PLCXD2: variants seen among roughly 807,000 people sequenced by gnomAD.
PLCXD2 encodes the protein PI-PLC X domain-containing protein 2.
A neutral mutation model predicts 28.6 loss-of-function variants in PLCXD2; 21 were observed. That is an observed-to-expected ratio of 0.73 (90% CI 0.52 to 1.06). The LOEUF is 1.06. PLCXD2 is among the 50% of genes least tolerant of loss of function. The pLI, the probability that PLCXD2 is intolerant of heterozygous loss-of-function variation, is 0.00. For synonymous variants in PLCXD2, 140 were observed against 150.1 expected, an observed-to-expected ratio of 0.93 and a Z score of 0.49; for missense variants, 369 against 376.7, an observed-to-expected ratio of 0.98 and a Z score of 0.17.
Position 111,676,055 on chromosome 3 carries a change from A to C in PLCXD2, c.163+647A>C, listed in dbSNP as rs16858409. Reference sequence around the variant, plus strand: ...GTCTGCCTGACTGATTTAGAACTGCAGCCTTGAAAAGCACTTCTGCTCCAG... The same window carrying C: ...GTCTGCCTGACTGATTTAGAACTGCCGCCTTGAAAAGCACTTCTGCTCCAG... On this transcript the variant is annotated intron_variant, in intron 1 of 4. Transcript: ENST00000477665. 6.4e-3 allele frequency among the ~76,000 whole-genome samples: 976 copies of C among 152,314 alleles called. 1 individual carries two copies. Among genetic ancestry groups the C allele is most frequent in the South Asian group, 0.011 (55 of 4,820 alleles).
chr3:111,709,680 G>C (rs4381908), intron 2 of PLCXD2, among the ~76,000 whole-genome samples: 59,943 of 152,030 alleles, frequency 0.39, 15,276 homozygotes, highest in African/African-American at 0.72. Flanking sequence ...GAAGAAGCAG[G>C]CAGTGCAGAG....
intron 1 of PLCXD2, among the ~76,000 whole-genome samples, chr3:111,683,092 A>G (rs1940742014): frequency 6.6e-6 from 1 of 152,234 alleles, no homozygotes; most frequent in African/African-American, 2.4e-5. Flanking sequence ...AAATTCAAAC[A>G]TGATAGAGAA....
intron 1 of PLCXD2, among the ~76,000 whole-genome samples, chr3:111,703,484 G>C (rs747168029): frequency 1.4e-4 from 21 of 152,070 alleles, no homozygotes; most frequent in Non-Finnish European, 2.9e-4. Context: ...GATGAAACTG[G>C]GCTCAACACC....
intron 1 of PLCXD2, among the ~76,000 whole-genome samples, chr3:111,687,002 A>G (rs1309192372): frequency 6.6e-6 from 1 of 152,162 alleles, no homozygotes; most frequent in Admixed American, 6.5e-5. Context: ...TTAATGTTGG[A>G]TGGACCTAAT....
intron 1 of PLCXD2, among the ~76,000 whole-genome samples, chr3:111,681,605 T>C (rs755138916): frequency 3.3e-5 from 5 of 152,074 alleles, no homozygotes; most frequent in Non-Finnish European, 7.4e-5. Context: ...CACACACACA[T>C]GCACAGATAC....
rs114776839 is a variant in PLCXD2 at position 111,718,812 on chromosome 3, C to G, written c.866+4684C>G. Among the ~76,000 whole-genome samples the G allele has an allele frequency of 5.4e-3, 815 of 152,328 alleles. 4 individuals are homozygous for G. Among genetic ancestry groups the G allele is most frequent in the Non-Finnish European group, 9.6e-3 (654 of 68,022 alleles). On this transcript the variant is annotated intron_variant, in intron 3 of 4. Transcript: ENST00000477665. Reference sequence around the variant, plus strand: ...TGAGCTGTTTTTACTATGATGTAAACTGTGAGTACACTTTATTGCTTTCTT... The same window carrying G: ...TGAGCTGTTTTTACTATGATGTAAAGTGTGAGTACACTTTATTGCTTTCTT...
chr3:111,700,855 G>A (rs1047621770), intron 1 of PLCXD2, among the ~76,000 whole-genome samples: 1 of 152,044 alleles, frequency 6.6e-6, no homozygotes, highest in Admixed American at 6.6e-5. Flanking sequence ...CGGGGGGTCA[G>A]GGGCAGAATA....
At chr3:111,720,297 C>T (rs944909069) in intron 3 of PLCXD2, among the ~76,000 whole-genome samples, 14 of 152,062 alleles carry the variant, frequency 9.2e-5, no homozygotes, top group African/African-American at 3.1e-4. Context: ...ACCTTCCAGG[C>T]TCAGGTGATT....
intron 3 of PLCXD2, chr3:111,722,943 A>G (rs949072211): frequency 5.9e-5 from 9 of 152,160 alleles, no homozygotes; most frequent in African/African-American, 1.2e-4. Flanking sequence ...ACCCCTCCCC[A>G]AAGGGTTTTC....
intron 1 of PLCXD2, among the ~76,000 whole-genome samples, chr3:111,697,982 A>G (rs1279611113): frequency 6.6e-6 from 1 of 152,172 alleles, no homozygotes; most frequent in Non-Finnish European, 1.5e-5. Flanking sequence ...TTTGGGTGTA[A>G]CCTAAAATAA....
intron 1 of PLCXD2, among the ~76,000 whole-genome samples, chr3:111,682,015 T>C (rs1244576912): frequency 2.0e-5 from 3 of 152,212 alleles, no homozygotes; most frequent in Non-Finnish European, 4.4e-5. Flanking sequence ...GGAGGGATTA[T>C]TTGTAGACAT....
intron 1 of PLCXD2, among the ~76,000 whole-genome samples, chr3:111,691,746 G>A (rs1002529650): frequency 2.2e-4 from 34 of 152,190 alleles, no homozygotes; most frequent in Non-Finnish European, 2.6e-4. Context: ...CTGGGTCTAT[G>A]TCCCGGGCAG....
chr3:111,695,460 A>T (rs1229231129), intron 1 of PLCXD2, among the ~76,000 whole-genome samples: 1 of 152,246 alleles, frequency 6.6e-6, no homozygotes, highest in Admixed American at 6.5e-5. Flanking sequence ...TTATAACAAT[A>T]TGCCAGCATC....
At chr3:111,688,852 T>C (rs550938292) in intron 1 of PLCXD2, among the ~76,000 whole-genome samples, 1 of 151,240 alleles carries the variant, frequency 6.6e-6, no homozygotes, top group South Asian at 2.1e-4. Flanking sequence ...AAATAAGATA[T>C]ACAATGTGAT....
chr3:111,679,045 A>G (rs1940670975), intron 1 of PLCXD2, among the ~76,000 whole-genome samples: 1 of 152,160 alleles, frequency 6.6e-6, no homozygotes, highest in African/African-American at 2.4e-5. Flanking sequence ...ATTTATATAT[A>G]TATGTATATA....
chr3:111,697,024 A>C (rs1195110524), intron 1 of PLCXD2, among the ~76,000 whole-genome samples: 2 of 152,188 alleles, frequency 1.3e-5, no homozygotes, highest in African/African-American at 4.8e-5. Context: ...CAACATGTAC[A>C]CATAGACATG....
chr3:111,686,756 G>A (rs1189517430), intron 1 of PLCXD2, among the ~76,000 whole-genome samples: 2 of 152,184 alleles, frequency 1.3e-5, no homozygotes, highest in African/African-American at 4.8e-5. Flanking sequence ...TATAATTTAT[G>A]CAGGCATAAG....
At chr3:111,721,055 A>G in intron 3 of PLCXD2, 1 of 381,594 alleles carries the variant, frequency 2.6e-6, no homozygotes, top group Non-Finnish European at 4.6e-6. Context: ...TATTAATTGC[A>G]TTTTTCCCAA....
At chr3:111,720,230 CAG>C (rs769995493) in intron 3 of PLCXD2, among the ~76,000 whole-genome samples, 3 of 151,946 alleles carry the variant, frequency 2.0e-5, no homozygotes, top group Admixed American at 6.6e-5. Flanking sequence ...TTTTTTCAGA[CAG>C]AGTCTCACTC....
Sources: allele counts gnomAD v4.1 joint callset (sites outside exome capture counted in the v4.1 genomes callset), GRCh38; gene constraint gnomAD v4.1.1; transcripts MANE v1.5; gene names NCBI Gene and HGNC (gene_info 2026-07-23, HGNC 2026-07-21).